CHD1L: variants seen among roughly 807,000 people sequenced by gnomAD.
The protein encoded by CHD1L is ATP-dependent chromatin remodeler CHD1L.
CHD1L carries 118 observed loss-of-function variants against 115.9 expected under a neutral mutation model. The ratio of observed to expected loss-of-function variants is 1.02; its 90% CI spans 0.88 to 1.19. CHD1L has a LOEUF of 1.19. CHD1L is among the 50% of genes most tolerant of loss of function. CHD1L has a pLI of 0.00. For missense variants in CHD1L, 1,179 were observed against 1,065.3 expected (o/e 1.11, Z -1.49); for synonymous variants, 411 against 387.1 (o/e 1.06, Z -0.72).
chr1:147,286,367 C>G lies in CHD1L; in HGVS notation c.2088C>G (p.Asp696Glu), dbSNP rs1159841268. The change falls in exon 18 of 23, where the codon GAC (aspartate) becomes GAG (glutamate). Residue 696 changes from aspartate to glutamate, a missense_variant. Asp to Glu is a conservative substitution (Grantham distance 45). Transcript: ENST00000369258. ...CLPSEESEPE[D>E]LENGEESSAE... is the part of the protein sequence containing the mutation. The stretch of plus-strand genomic sequence containing the variant: ...CCTCTGAGGAGAGCGAGCCAGAGGA[C>G]CTTGAGAATGGGGAAGAGAGCTCTG... 7 of 1,614,046 alleles carry G rather than the reference C, an allele frequency of 4.3e-6. No homozygotes were observed. The highest frequency in any genetic ancestry group is 5.9e-6 in the Non-Finnish European group (7 of 1,180,052).
the CHD1L span, among the ~76,000 whole-genome samples, chr1:147,219,882 A>T: frequency 7.6e-6 from 1 of 132,126 alleles, no homozygotes; most frequent in African/African-American, 3.0e-5. Flanking sequence ...TCTATTGCCC[A>T]GGCTAGAGTG....
chr1:147,195,865 C>T, the CHD1L span, among the ~76,000 whole-genome samples: 1 of 152,104 alleles, frequency 6.6e-6, no homozygotes, highest in African/African-American at 2.4e-5. Context: ...TTAAACATCA[C>T]TGGTGATGGG....
At chr1:147,191,757 T>G in the CHD1L span, among the ~76,000 whole-genome samples, 1 of 152,182 alleles carries the variant, frequency 6.6e-6, no homozygotes, top group South Asian at 2.1e-4. Context: ...GCACCATTTA[T>G]TAAATAGGGA....
At chr1:147,263,294 G>GT (rs1164683459) in intron 6 of CHD1L, among the ~76,000 whole-genome samples, 1 of 151,966 alleles carries the variant, frequency 6.6e-6, no homozygotes, top group Non-Finnish European at 1.5e-5. Context: ...GCTGAATGTG[G>GT]TGGTGAGTGT....
At chr1:147,294,209 G>A (rs1686696441) in intron 21 of CHD1L, among the ~76,000 whole-genome samples, 200 bp from the exon 22 acceptor site, 1 of 152,142 alleles carries the variant, frequency 6.6e-6, no homozygotes, top group African/African-American at 2.4e-5. Context: ...CCAATTGTAT[G>A]TATTTCCAGA....
chr1:147,204,688 G>A, the CHD1L span: 4 of 1,562,268 alleles, frequency 2.6e-6, no homozygotes, highest in South Asian at 3.3e-5. Flanking sequence ...CATTTTTGCA[G>A]CAGGATGCTG....
At chr1:147,281,574 G>C (rs920378342) in intron 15 of CHD1L, among the ~76,000 whole-genome samples, 3 of 152,010 alleles carry the variant, frequency 2.0e-5, no homozygotes, top group Admixed American at 1.3e-4. Context: ...TTTTATCTTC[G>C]AAATTCTTTA....
intron 1 of CHD1L, among the ~76,000 whole-genome samples, chr1:147,244,813 A>G (rs1302319686): frequency 1.3e-5 from 2 of 149,802 alleles, no homozygotes; most frequent in Admixed American, 6.6e-5. Context: ...TTTTTTTGCT[A>G]TTGTAAGTAA....
At chr1:147,184,653 A>G in the CHD1L span, 1 of 1,506,542 alleles carries the variant, frequency 6.6e-7, no homozygotes, top group Non-Finnish European at 8.9e-7. The surrounding 1 kb of genome is among the most constrained non-coding windows in gnomAD (Gnocchi z 4.4). Flanking sequence ...TTTTGAGAGG[A>G]ATACAACAGA....
At chr1:147,176,163 G>A in the CHD1L span, 76 of 152,162 alleles carry the variant, frequency 5.0e-4, no homozygotes, top group Non-Finnish European at 8.8e-4. Flanking sequence ...TTATACACAA[G>A]AGACTACTCA....
chr1:147,226,717 C>G, the CHD1L span, among the ~76,000 whole-genome samples: 1 of 152,136 alleles, frequency 6.6e-6, no homozygotes, highest in Non-Finnish European at 1.5e-5. Flanking sequence ...TCTGCACCTG[C>G]TAATCTTGGA....
At chr1:147,218,719 G>A in the CHD1L span, among the ~76,000 whole-genome samples, 14 of 152,148 alleles carry the variant, frequency 9.2e-5, no homozygotes, top group African/African-American at 2.9e-4. Flanking sequence ...ATCCAGTGTT[G>A]TCCTTATTTA....
At chr1:147,264,955 C>T (rs587715699) in intron 7 of CHD1L, among the ~76,000 whole-genome samples, 1 of 152,344 alleles carries the variant, frequency 6.6e-6, no homozygotes, top group East Asian at 1.9e-4. Context: ...TCCCAAACTA[C>T]TGTTCAGCAT....
the CHD1L span, among the ~76,000 whole-genome samples, chr1:147,229,413 C>G: frequency 6.6e-6 from 1 of 152,130 alleles, no homozygotes; most frequent in East Asian, 1.9e-4. Context: ...TTACTGTAGC[C>G]TTGTAGTATA....
the CHD1L span, chr1:147,190,055 T>TTTC: frequency 1.6e-6 from 1 of 629,290 alleles, no homozygotes; most frequent in Non-Finnish European, 2.7e-6. Context: ...TTTTTCCTTT[T>TTTC]TTCTTCATAA....
At chr1:147,201,332 C>G in the CHD1L span, 1 of 1,614,130 alleles carries the variant, frequency 6.2e-7, no homozygotes, top group African/African-American at 1.3e-5. Context: ...AATGGAAAGT[C>G]AAAGCTATAG....
Position 147,293,500 on chromosome 1 carries a change from G to C in CHD1L, c.2392-108G>C, listed in dbSNP as rs1686373141. ...AGGCATAGCATCCGAAAGAGACAGA[G>C]CCAAGCCCAAGTGACCCATCAAGGG... is the stretch of plus-strand genomic sequence containing the variant. On this transcript the variant is annotated intron_variant, in intron 20 of 22. Transcript: ENST00000369258. 11 of 812,354 alleles carry C rather than the reference G, an allele frequency of 1.4e-5. No homozygotes were observed. In the East Asian group the frequency reaches 2.7e-4, roughly 20 times the overall value. 50.3% of individuals were successfully genotyped at this position (812,354 alleles called of 1,614,324 possible).
chr1:147,216,034 A>T, the CHD1L span: 1 of 878,232 alleles, frequency 1.1e-6, no homozygotes, highest in East Asian at 2.5e-5. Flanking sequence ...TTCTGAAAGA[A>T]GTGTCAATTA....
At chr1:147,255,110 G>A in intron 3 of CHD1L, 134 bp downstream of exon 3, 4 of 585,566 alleles carry the variant, frequency 6.8e-6, no homozygotes, top group Non-Finnish European at 1.2e-5. Flanking sequence ...TGAGCTGATA[G>A]AGTGTAGGTA....
Sources: allele counts gnomAD v4.1 joint callset (sites outside exome capture counted in the v4.1 genomes callset), GRCh38; gene constraint gnomAD v4.1.1; non-coding constraint Gnocchi (gnomAD v3.1); transcripts MANE v1.5; gene names NCBI Gene and HGNC (gene_info 2026-07-23, HGNC 2026-07-21).